Variants in AKAP13 observed in about 807,000 individuals in gnomAD.
The protein encoded by AKAP13 is A-kinase anchor protein 13.
In AKAP13, 80 loss-of-function variants were observed where a neutral mutation model predicts 264.5. The observed-to-expected ratio is 0.30, with a 90% CI of 0.25 to 0.36. The LOEUF is 0.36. AKAP13 is among the 10% of genes least tolerant of loss of function. AKAP13 has a pLI of 1.00. For missense variants in AKAP13, 3,712 were observed against 3,435.2 expected (o/e 1.08, Z -2.01); for synonymous variants, 1,380 against 1,250.2 (o/e 1.10, Z -2.19).
chr15:85,624,438 A>G (rs2081321831), intron 8 of AKAP13: 1 of 152,214 alleles, frequency 6.6e-6, no homozygotes, highest in African/African-American at 2.4e-5. Context: ...CATTTTGCAG[A>G]GAAACACACA....
intron 29 of AKAP13, among the ~76,000 whole-genome samples, chr15:85,729,033 G>A (rs533705747): frequency 1.3e-5 from 2 of 152,260 alleles, no homozygotes; most frequent in South Asian, 2.1e-4. Context: ...AGGCTCGGTG[G>A]CTCATGCCTG....
chr15:85,448,693 T>G (rs992784949), intron 1 of AKAP13, among the ~76,000 whole-genome samples: 1 of 152,250 alleles, frequency 6.6e-6, no homozygotes, highest in East Asian at 1.9e-4. Context: ...TGACCTTATT[T>G]CTGGGCTCTC....
chr15:85,591,682 A>G (rs2079585982), intron 8 of AKAP13, among the ~76,000 whole-genome samples: 1 of 152,072 alleles, frequency 6.6e-6, no homozygotes, highest in South Asian at 2.1e-4. Context: ...TCGCCTTCAT[A>G]GTATGTCCCA....
Position 85,719,083 on chromosome 15 carries a change from G to A in AKAP13, c.6009G>A (p.Met2003Ile), listed in dbSNP as rs927442774. 2 of 1,613,914 alleles carry A rather than the reference G, an allele frequency of 1.2e-6. No homozygotes were observed. The highest frequency in any genetic ancestry group is 8.5e-7 in the Non-Finnish European group (1 of 1,179,974). Residue 2003 changes from methionine (M) to isoleucine (I), a missense_variant, in exon 23 of 37, where the codon ATG becomes ATA. Around this residue, in one of 3 missense-constraint regions of AKAP13, gnomAD observed 342 missense variants for 484.3 expected, o/e 0.71. Coordinates refer to ENST00000394518, the MANE Select transcript of AKAP13 (RefSeq NM_007200.5). ...VKRQEVIYELMQTEFHHVRTL... is the reference protein window; with the variant it reads ...VKRQEVIYELIQTEFHHVRTL... ...TCTTTTTCCTCCTTTTAGAGTTGAT[G>A]CAGACAGAGTTTCATCATGTCCGCA... is the stretch of plus-strand genomic sequence containing the variant.
rs776499874 is a variant in AKAP13, at chr15:85,579,553, G to C, written c.1485G>C (p.Lys495Asn). 1.2e-6 allele frequency: 2 copies of C among 1,614,204 alleles called. No individual in the cohort carries two copies. Among genetic ancestry groups the C allele is most frequent in the Non-Finnish European group, 1.7e-6 (2 of 1,180,040 alleles). ...TGAACCCAGATGCCACTGTTTGGAA[G>C]AATGTGCTTCAGGGAGGGGAAAGTA... ...GLMNPDATVW[K>N]NVLQGGESTK... The change falls in exon 7 of 37, where the codon AAG becomes AAC. Residue 495 changes from lysine to asparagine, a missense_variant. Coordinates refer to ENST00000394518, the MANE Select transcript of AKAP13 (RefSeq NM_007200.5).
Position 85,735,950 on chromosome 15 carries a change from T to C in AKAP13, c.7513-140T>C. 3 of 771,320 alleles carry C rather than the reference T, an allele frequency of 3.9e-6. No individual in the cohort carries two copies. In the South Asian group the frequency reaches 4.7e-5, roughly 12 times the overall value. The allele number at this position is 771,320 out of a possible 1,614,324, so 47.8% of individuals were successfully genotyped here. On this transcript the variant is annotated intron_variant, in intron 32 of 36. Transcript: ENST00000394518. ...CTTACAAGGTATCAGTGATAAATAG[T>C]TCAACCTCTTAAACCTTCACTACCT...
At chr15:85,559,828 GGT>G (rs1346694686) in intron 5 of AKAP13, among the ~76,000 whole-genome samples, 1 of 152,110 alleles carries the variant, frequency 6.6e-6, no homozygotes, top group Non-Finnish European at 1.5e-5. Flanking sequence ...GCCATAGACT[GGT>G]ACTGGTTTGT....
Position 85,741,486 on chromosome 15 carries a change from C to T in AKAP13, c.8049C>T (p.Asp2683=), listed in dbSNP as rs757821491. The change falls in exon 35 of 37, where the codon GAC becomes GAT. Residue 2683 remains aspartate (D), a synonymous_variant. Coordinates refer to ENST00000394518, the MANE Select transcript of AKAP13 (RefSeq NM_007200.5). ...TCAGCCAGCGGCAGACAGAACGGGACCTGTGTCAGGTAATGGGACTCCCTG... is the reference window on the plus strand; with the variant it reads ...TCAGCCAGCGGCAGACAGAACGGGATCTGTGTCAGGTAATGGGACTCCCTG... ...ERLSQRQTER[D]LCQVSHPHTK... The T allele has an allele frequency of 8.2e-6, 13 of 1,589,888 alleles. No individual in the cohort carries two copies. The highest frequency in any genetic ancestry group is 1.1e-5 in the Non-Finnish European group (13 of 1,164,022).
chr15:85,452,294 T>C (rs1417653611), intron 1 of AKAP13, among the ~76,000 whole-genome samples: 6 of 152,114 alleles, frequency 3.9e-5, no homozygotes, highest in Admixed American at 2.6e-4. Context: ...CTTATTTTCC[T>C]TGGGTTGGGT....
rs745403703 is a variant in AKAP13, at chr15:85,469,002, C to T, written c.-11-16708C>T. On this transcript the variant is annotated intron_variant, in intron 1 of 36. Transcript: ENST00000394518. ...TGATCTCAGCTCACTGCAGCCTCTG[C>T]CTCCTGGGTTCAAGCAATTCTCCTG... Among the ~76,000 whole-genome samples, 45 of 136,682 alleles carry T rather than the reference C, an allele frequency of 3.3e-4. 6 individuals carry two copies. The highest frequency in any genetic ancestry group is 3.4e-4 in the Non-Finnish European group (22 of 65,484). 89.7% of individuals were successfully genotyped at this position (136,682 alleles called of 152,430 possible). A position where few individuals can be genotyped will look rare whatever the true frequency, so the allele number is the denominator to read the frequency against.
chr15:85,393,694 A>G (rs1354908070), intron 1 of AKAP13, among the ~76,000 whole-genome samples: 6 of 152,170 alleles, frequency 3.9e-5, no homozygotes, highest in Non-Finnish European at 7.4e-5. Context: ...TTTTTGATGA[A>G]AAAACTAGGG....
intron 8 of AKAP13, among the ~76,000 whole-genome samples, chr15:85,586,262 C>T (rs2079341600): frequency 6.6e-6 from 1 of 151,120 alleles, no homozygotes; most frequent in Non-Finnish European, 1.5e-5. Flanking sequence ...GTGATTTCAG[C>T]TCACTGCAAC....
chr15:85,665,179 G>C (rs1474703970), intron 13 of AKAP13, among the ~76,000 whole-genome samples: 1 of 152,060 alleles, frequency 6.6e-6, no homozygotes, highest in African/African-American at 2.4e-5. Flanking sequence ...CTCCAGCCTG[G>C]GTGACAGAGC....
At chr15:85,557,707 C>T (rs1407672556) in intron 5 of AKAP13, among the ~76,000 whole-genome samples, 2 of 152,178 alleles carry the variant, frequency 1.3e-5, no homozygotes, top group Non-Finnish European at 2.9e-5. Flanking sequence ...AACTCCTGGA[C>T]TCAAGTGATT....
intron 1 of AKAP13, among the ~76,000 whole-genome samples, chr15:85,467,402 TC>T (rs1281350765): frequency 6.6e-6 from 1 of 152,120 alleles, no homozygotes; most frequent in Non-Finnish European, 1.5e-5. Context: ...TGTGATCTGT[TC>T]CTACTGGGCC....
At chr15:85,519,229 G>C (rs1249995580) in intron 2 of AKAP13, among the ~76,000 whole-genome samples, 1 of 151,990 alleles carries the variant, frequency 6.6e-6, no homozygotes, top group African/African-American at 2.4e-5. Context: ...GAATGGGTTG[G>C]GTTCAATTAA....
intron 7 of AKAP13, 99 bp from the exon 8 acceptor site, chr15:85,585,603 G>GCAAAA: frequency 1.3e-6 from 2 of 1,539,460 alleles, no homozygotes; most frequent in Non-Finnish European, 8.9e-7. Flanking sequence ...TAACGCAAAA[G>GCAAAA]CAAAACAAAA....
At chr15:85,646,491 A>C (rs2082567540) in intron 10 of AKAP13, among the ~76,000 whole-genome samples, 1 of 152,228 alleles carries the variant, frequency 6.6e-6, no homozygotes, top group Non-Finnish European at 1.5e-5. Context: ...AATTGTGGCC[A>C]GTTAAATACA....
At chr15:85,402,581 G>C (rs574593111) in intron 1 of AKAP13, among the ~76,000 whole-genome samples, 2 of 152,270 alleles carry the variant, frequency 1.3e-5, no homozygotes, top group East Asian at 3.9e-4. Flanking sequence ...ATACTTTTTA[G>C]CTCTCCGGGA....
Sources: allele counts gnomAD v4.1 joint callset (sites outside exome capture counted in the v4.1 genomes callset), GRCh38; gene constraint gnomAD v4.1.1; regional missense constraint gnomAD v4.1.1; transcripts MANE v1.5; gene names NCBI Gene and HGNC (gene_info 2026-07-23, HGNC 2026-07-21).